The following WWTR1 variants were observed in gnomAD, a reference collection of about 807,000 sequenced individuals.
WWTR1 encodes the protein WW domain-containing transcription regulator protein 1.
A neutral mutation model predicts 40.1 loss-of-function variants in WWTR1; 13 were observed. The observed-to-expected ratio is 0.32, with a 90% confidence interval of 0.21 to 0.52. The LOEUF is 0.52. WWTR1 is among the 20% of genes least tolerant of loss of function. The probability of loss-of-function intolerance (pLI) is 0.97; values close to 1 mark genes in which losing one functional copy is unlikely to be tolerated. For missense variants in WWTR1, 436 were observed against 523.1 expected (o/e 0.83, Z 1.63); for synonymous variants, 230 against 210.1 (o/e 1.09, Z -0.82).
intron 1 of WWTR1, among the ~76,000 whole-genome samples, chr3:149,670,598 CAT>C (rs1714033797): frequency 1.3e-5 from 2 of 148,284 alleles, no homozygotes; most frequent in Non-Finnish European, 3.0e-5. Flanking sequence ...GAGCCGAGAT[CAT>C]GCCACCGCAC....
At chr3:149,710,434 T>A (rs1204033227) in intron 5 of WWTR1, among the ~76,000 whole-genome samples, 1 of 152,122 alleles carries the variant, frequency 6.6e-6, no homozygotes, top group African/African-American at 2.4e-5. Flanking sequence ...AGTTTTGTGA[T>A]CTAAGGCAGA....
intron 1 of WWTR1, among the ~76,000 whole-genome samples, chr3:149,673,405 T>C (rs916698015): frequency 6.6e-6 from 1 of 152,222 alleles, no homozygotes; most frequent in African/African-American, 2.4e-5. Context: ...TAGTAGAGAA[T>C]GTAGTAACCT....
intron 3 of WWTR1, 73 bp from the exon 4 acceptor site, chr3:149,542,610 G>A (rs1736167267): frequency 2.1e-6 from 3 of 1,445,628 alleles, no homozygotes; most frequent in Non-Finnish European, 2.8e-6. Flanking sequence ...CCATCAGAAT[G>A]TTTTCTGCTT....
intron 6 of WWTR1, 63 bp from the exon 7 acceptor site, chr3:149,521,052 T>C (rs1046646293): frequency 3.3e-5 from 49 of 1,496,886 alleles, no homozygotes; most frequent in Admixed American, 9.1e-5. Context: ...GGAGGAACAG[T>C]TCAAGTATTT....
intron 1 of WWTR1, among the ~76,000 whole-genome samples, chr3:149,698,046 C>T (rs534439027): frequency 6.6e-6 from 1 of 152,332 alleles, no homozygotes; most frequent in East Asian, 1.9e-4. Flanking sequence ...GGATGCAGCC[C>T]ATGTGATTGC....
intron 2 of WWTR1, among the ~76,000 whole-genome samples, chr3:149,620,805 G>T (rs1035864815): frequency 6.6e-6 from 1 of 152,116 alleles, no homozygotes; most frequent in African/African-American, 2.4e-5. Context: ...CCCCACATGG[G>T]GGAATAAACC....
exon 5 of WWTR1, chr3:149,717,515 C>G (rs1715642377): frequency 6.6e-6 from 1 of 152,196 alleles, no homozygotes; most frequent in South Asian, 2.1e-4. Flanking sequence ...CAAAGCTGAA[C>G]TGTTCCCCTA....
chr3:149,521,242 C>T lies in WWTR1; in HGVS notation c.1019-253G>A, dbSNP rs193098733. 9.9e-5 allele frequency among the ~76,000 whole-genome samples: 15 copies of T among 152,264 alleles called. No individual in the cohort carries two copies. In the East Asian group the frequency reaches 2.9e-3, roughly 29 times the overall value. Reference sequence around the variant, plus strand: ...CTGTGGATCTGATCTATGATCTGTGCCTTCCCATGACAAAGGTGTGAAGAA... The same window carrying T: ...CTGTGGATCTGATCTATGATCTGTGTCTTCCCATGACAAAGGTGTGAAGAA... On this transcript the variant is annotated intron_variant, in intron 6 of 6. Transcript: ENST00000360632.
intron 2 of WWTR1, among the ~76,000 whole-genome samples, chr3:149,644,044 C>T (rs2108132878): frequency 6.6e-6 from 1 of 152,280 alleles, no homozygotes; most frequent in East Asian, 1.9e-4. Context: ...CCATTTTCCT[C>T]CCTTGGGCAT....
At chr3:149,575,702 C>G (rs959473686) in intron 2 of WWTR1, among the ~76,000 whole-genome samples, 1 of 152,216 alleles carries the variant, frequency 6.6e-6, no homozygotes, top group Non-Finnish European at 1.5e-5. Context: ...CTCTCCCCTC[C>G]CGTTCTGAAC....
intron 1 of WWTR1, among the ~76,000 whole-genome samples, chr3:149,671,767 T>C (rs1714096094): frequency 6.6e-6 from 1 of 152,188 alleles, no homozygotes; most frequent in African/African-American, 2.4e-5. Flanking sequence ...CATATTTATC[T>C]TAATGTACTA....
At chr3:149,624,379 A>T (rs1186669814) in intron 2 of WWTR1, among the ~76,000 whole-genome samples, 4 of 152,180 alleles carry the variant, frequency 2.6e-5, no homozygotes, top group African/African-American at 7.2e-5. Context: ...TCTGGAGCCA[A>T]CCTTGGCCTC....
rs188738235 is a variant in WWTR1, at chr3:149,592,135, C to T, written c.432-19135G>A. Among the ~76,000 whole-genome samples the T allele has an allele frequency of 3.1e-3, 471 of 152,248 alleles. 3 individuals are homozygous for T. Among genetic ancestry groups the T allele is most frequent in the Admixed American group, 6.9e-3 (105 of 15,288 alleles). ...CCTCACCCCTGCACCCAAAAGGGTT[C>T]TGTTATCAAATAAGTATGGAAAACA... On this transcript the variant is annotated intron_variant, in intron 2 of 6. Coordinates refer to ENST00000360632, the MANE Select transcript of WWTR1 (RefSeq NM_015472.6).
chr3:149,672,729 C>A (rs894762115), intron 1 of WWTR1, among the ~76,000 whole-genome samples: 1 of 149,064 alleles, frequency 6.7e-6, no homozygotes, highest in South Asian at 2.1e-4. Flanking sequence ...TATAAAAAAT[C>A]TTTCTATAAA....
Position 149,573,025 on chromosome 3 carries a change from A to G in WWTR1, c.432-25T>C, listed in dbSNP as rs371622113. ...ACTAAAAGAAGGAAAACAATTAATT[A>G]TCTTTTTAATTGTCAGCATCATTAT... On this transcript the variant is annotated intron_variant, in intron 2 of 6. Coordinates refer to ENST00000360632, the MANE Select transcript of WWTR1 (RefSeq NM_015472.6). The G allele has an allele frequency of 1.7e-5, 27 of 1,574,140 alleles. No homozygotes were observed. The African/African-American group carries it at 2.5e-4, about 14-fold the overall frequency.
intron 1 of WWTR1, among the ~76,000 whole-genome samples, chr3:149,685,102 C>T (rs1033394427): frequency 2.2e-4 from 34 of 152,222 alleles, no homozygotes; most frequent in African/African-American, 7.9e-4. Context: ...TTCCCATATC[C>T]CCTTTTAGAG....
At chr3:149,619,484 A>G (rs775778824) in intron 2 of WWTR1, among the ~76,000 whole-genome samples, 6 of 152,160 alleles carry the variant, frequency 3.9e-5, no homozygotes, top group Non-Finnish European at 5.9e-5. Flanking sequence ...TTAGCCAGGC[A>G]TAGTGGCATG....
chr3:149,578,026 CT>C (rs1261160947), intron 2 of WWTR1, among the ~76,000 whole-genome samples: 1 of 122,666 alleles, frequency 8.2e-6, no homozygotes, highest in Non-Finnish European at 1.6e-5. Context: ...CCCTCTCTGC[CT>C]GACAATCCAT....
chr3:149,720,911 T>C (rs1715744537), intron 4 of WWTR1, among the ~76,000 whole-genome samples: 1 of 152,230 alleles, frequency 6.6e-6, no homozygotes, highest in Admixed American at 6.5e-5. Context: ...TTAAGTTTTT[T>C]CAGATTGTTT....
Sources: gnomAD v4.1 joint callset for allele counts (sites outside exome capture counted in the v4.1 genomes callset) on GRCh38, gnomAD v4.1.1 for gene constraint, MANE v1.5 for transcripts, NCBI Gene and HGNC (gene_info 2026-07-23, HGNC 2026-07-21) for gene names.